Variants in KCNJ6 observed in about 807,000 individuals in gnomAD.
KCNJ6 encodes G protein-activated inward rectifier potassium channel 2.
In KCNJ6, 9 loss-of-function variants were observed where a neutral mutation model predicts 34.2. The observed-to-expected ratio is 0.26, with a 90% CI of 0.16 to 0.46. KCNJ6 has a LOEUF of 0.46. KCNJ6 is among the 20% of genes least tolerant of loss of function. KCNJ6 has a pLI of 1.00. For missense variants in KCNJ6, 236 were observed against 531.3 expected (o/e 0.44, Z 5.46); for synonymous variants, 196 against 207.1 (o/e 0.95, Z 0.46).
chr21:37,840,133 T>G lies in KCNJ6; in HGVS notation c.25+525A>C, dbSNP rs572389022. On this transcript the variant is annotated intron_variant, in intron 2 of 3. Transcript: ENST00000609713. ...CTTAAAAATGCTTTGTGTATCCTGT[T>G]TATTTAGCTTAAGAGCACTATAACG... is the stretch of plus-strand genomic sequence containing the variant. 2.0e-5 allele frequency among the ~76,000 whole-genome samples: 3 copies of G among 152,360 alleles called. No individual in the cohort carries two copies. The East Asian group carries it at 5.8e-4, about 29-fold the overall frequency.
rs975021230 is a variant in KCNJ6 at position 37,621,017 on chromosome 21, G to A, written c.*4142C>T. 1.3e-5 allele frequency: 2 copies of A among 152,126 alleles called. No homozygotes were observed. The highest frequency in any genetic ancestry group is 4.8e-5 in the African/African-American group (2 of 41,426). 9.4% of individuals were successfully genotyped at this position (152,126 alleles called of 1,614,324 possible). A position where few individuals can be genotyped will look rare whatever the true frequency, so the allele number is the denominator to read the frequency against. ...CCATAAAGTTCAGAAACAAGATAATGTTATTTTAGTGTATTGTAAAGTAAT... is the reference window on the plus strand; with the variant it reads ...CCATAAAGTTCAGAAACAAGATAATATTATTTTAGTGTATTGTAAAGTAAT... On this transcript the variant is annotated 3_prime_UTR_variant, in exon 4 of 4. Transcript: ENST00000609713.
chr21:37,909,213 A>G (rs1322227135), intron 1 of KCNJ6, among the ~76,000 whole-genome samples: 1 of 152,244 alleles, frequency 6.6e-6, no homozygotes, highest in Admixed American at 6.5e-5. Flanking sequence ...TTGTTAAATT[A>G]GTGAGATTTA....
At chr21:37,676,093 G>A (rs977793895) in intron 3 of KCNJ6, among the ~76,000 whole-genome samples, 2 of 152,226 alleles carry the variant, frequency 1.3e-5, no homozygotes, top group African/African-American at 4.8e-5. Context: ...GAGTGCTGGC[G>A]GAGGGCAGGG....
intron 2 of KCNJ6, among the ~76,000 whole-genome samples, chr21:37,783,171 T>C (rs868555686): frequency 1.4e-4 from 22 of 152,172 alleles, no homozygotes; most frequent in Admixed American, 3.3e-4. Context: ...CCAGCGATGC[T>C]TTCACAAGAC....
chr21:37,806,969 G>A (rs570328733), intron 2 of KCNJ6, among the ~76,000 whole-genome samples: 4 of 152,190 alleles, frequency 2.6e-5, no homozygotes, highest in African/African-American at 9.6e-5. Flanking sequence ...AGTAGTAAAT[G>A]GGAATAACTT....
At chr21:37,726,991 C>T (rs2123463571) in intron 2 of KCNJ6, among the ~76,000 whole-genome samples, 1 of 152,288 alleles carries the variant, frequency 6.6e-6, no homozygotes, top group South Asian at 2.1e-4. Context: ...TTAAGGTGGG[C>T]TCTAAGTCCA....
intron 2 of KCNJ6, among the ~76,000 whole-genome samples, chr21:37,781,582 C>G (rs1176296526): frequency 6.6e-6 from 1 of 152,078 alleles, no homozygotes; most frequent in Non-Finnish European, 1.5e-5. Flanking sequence ...CAACATGCCT[C>G]TAAAGTATAC....
rs1363114925 is a variant in KCNJ6 at position 37,617,044 on chromosome 21, C to CT, written c.*8114dup. 1 of 13,328 alleles carries CT rather than the reference C, an allele frequency of 7.5e-5. No homozygotes were observed. Among genetic ancestry groups the CT allele is most frequent in the Non-Finnish European group, 1.9e-4 (1 of 5,328 alleles). The allele number at this position is 13,328 out of a possible 1,614,324, so 0.8% of individuals were successfully genotyped here. A position where few individuals can be genotyped will look rare whatever the true frequency, so the allele number is the denominator to read the frequency against. Reference sequence around the variant, plus strand: ...TCTTTCTTTCTTTCTTTCTTTCTTTCTTTCTTTCTTTTCTTTTCTTTTCTT... The same window carrying CT: ...TCTTTCTTTCTTTCTTTCTTTCTTTCTTTTCTTTCTTTTCTTTTCTTTTCTT... On this transcript the variant is annotated 3_prime_UTR_variant, in exon 4 of 4. Coordinates refer to ENST00000609713, the MANE Select transcript of KCNJ6 (RefSeq NM_002240.5).
intron 2 of KCNJ6, among the ~76,000 whole-genome samples, chr21:37,790,463 T>C (rs1306781981): frequency 6.6e-6 from 1 of 152,148 alleles, no homozygotes; most frequent in Non-Finnish European, 1.5e-5. Flanking sequence ...CTTATTTAGT[T>C]CTCAAAATAA....
intron 1 of KCNJ6, among the ~76,000 whole-genome samples, chr21:37,873,547 AG>A: frequency 6.6e-6 from 1 of 152,342 alleles, no homozygotes; most frequent in South Asian, 2.1e-4. Context: ...GAGCATTGCT[AG>A]CAGTGTGCAT....
At chr21:37,818,448 G>T (rs1325366698) in intron 2 of KCNJ6, among the ~76,000 whole-genome samples, 1 of 149,178 alleles carries the variant, frequency 6.7e-6, no homozygotes, top group African/African-American at 2.5e-5. Context: ...TTCCTAATCA[G>T]CTAGCGGCAC....
At chr21:37,728,183 T>G (rs2054865297) in intron 2 of KCNJ6, among the ~76,000 whole-genome samples, 1 of 152,248 alleles carries the variant, frequency 6.6e-6, no homozygotes, top group Non-Finnish European at 1.5e-5. Context: ...GACATTATGC[T>G]CAGTGAAATA....
chr21:37,704,657 G>A (rs534062767), intron 3 of KCNJ6, among the ~76,000 whole-genome samples: 4 of 72,912 alleles, frequency 5.5e-5, no homozygotes, highest in South Asian at 8.3e-4. Flanking sequence ...AGTATGAGTC[G>A]TCGTCATCAT....
intron 2 of KCNJ6, 80 bp from the exon 3 acceptor site, chr21:37,715,211 G>A (rs2054784084): frequency 8.0e-7 from 1 of 1,244,568 alleles, no homozygotes; most frequent in African/African-American, 1.5e-5. Flanking sequence ...CACTTTGTAT[G>A]GGCTGGTGAA....
intron 2 of KCNJ6, among the ~76,000 whole-genome samples, chr21:37,758,254 T>A (rs2055041401): frequency 6.6e-6 from 1 of 152,156 alleles, no homozygotes; most frequent in African/African-American, 2.4e-5. Context: ...TTCTCTAGGG[T>A]CCTGTAACTT....
intron 2 of KCNJ6, among the ~76,000 whole-genome samples, chr21:37,817,646 C>T (rs180767265): frequency 6.6e-6 from 1 of 152,310 alleles, no homozygotes; most frequent in Non-Finnish European, 1.5e-5. Context: ...CTGTGCATGA[C>T]CCTTTGCAAG....
In KCNJ6 at chr21:37,859,004, T is replaced by C. The variant is rs542744705; in HGVS notation, c.-27-18295A>G. Among the ~76,000 whole-genome samples the C allele has an allele frequency of 3.3e-4, 51 of 152,264 alleles. No individual in the cohort carries two copies. The South Asian group carries it at 9.1e-3, about 27-fold the overall frequency. On this transcript the variant is annotated intron_variant, in intron 1 of 3. Transcript: ENST00000609713. Reference sequence around the variant, plus strand: ...AGAACAAAGATGTAAGTACAGTATATATTATAGAAGAACAAAATGAAACTC... The same window carrying C: ...AGAACAAAGATGTAAGTACAGTATACATTATAGAAGAACAAAATGAAACTC...
In KCNJ6 at chr21:37,690,561, A is replaced by C. The variant is rs1157068439; in HGVS notation, c.946+23650T>G. 2.0e-5 allele frequency among the ~76,000 whole-genome samples: 3 copies of C among 152,170 alleles called. No individual in the cohort carries two copies. The East Asian group carries it at 5.8e-4, about 29-fold the overall frequency. On this transcript the variant is annotated intron_variant, in intron 3 of 3. Coordinates refer to ENST00000609713, the MANE Select transcript of KCNJ6 (RefSeq NM_002240.5). ...AAACCTCAGGATTTTTCAATTTTCC[A>C]AAGGCCTAAGAGTATTTTCTTGAAA...
intron 3 of KCNJ6, among the ~76,000 whole-genome samples, chr21:37,638,896 C>T (rs2054369282): frequency 6.6e-6 from 1 of 152,244 alleles, no homozygotes; most frequent in South Asian, 2.1e-4. Context: ...TGTAGGCTCT[C>T]TCCTACAAAA....
Sources: allele counts gnomAD v4.1 joint callset (sites outside exome capture counted in the v4.1 genomes callset), GRCh38; gene constraint gnomAD v4.1.1; transcripts MANE v1.5; gene names NCBI Gene and HGNC (gene_info 2026-07-23, HGNC 2026-07-21).